MACF1: variants seen among roughly 807,000 people sequenced by gnomAD.
MACF1 encodes microtubule actin crosslinking factor 1.
In MACF1, 193 loss-of-function variants were observed where a neutral mutation model predicts 854.8. The observed-to-expected ratio is 0.23, with a 90% CI of 0.20 to 0.25. The LOEUF (loss-of-function observed/expected upper bound fraction) is 0.25, where lower values mean the gene tolerates loss of function less well. Ranked by LOEUF, MACF1 falls within the 10% of genes least tolerant of loss-of-function variation. MACF1 has a pLI of 1.00. For synonymous variants in MACF1, 3,185 were observed against 3,226.7 expected (o/e 0.99, Z 0.44); for missense variants, 7,722 against 8,929.1 (o/e 0.86, Z 5.45).
At chr1:39,310,778 C>T (rs1181033818) in intron 25 of MACF1, 53 bp from the exon 26 acceptor site, 1 of 1,502,974 alleles carries the variant, frequency 6.7e-7, no homozygotes, top group African/African-American at 1.4e-5. Context: ...GATATCAGGT[C>T]TGCTTATCTC....
chr1:39,469,684 T>C, intron 97 of MACF1, 69 bp downstream of exon 97: 1 of 1,210,664 alleles, frequency 8.3e-7, no homozygotes, highest in East Asian at 2.5e-5. Flanking sequence ...CTTCTTAAAC[T>C]GTAACATCTC....
At chr1:39,262,372 G>A (rs537221220) in intron 6 of MACF1, among the ~76,000 whole-genome samples, 27 of 118,464 alleles carry the variant, frequency 2.3e-4, no homozygotes, top group Non-Finnish European at 3.5e-4. Flanking sequence ...CTGCACTCCA[G>A]CCTGGGCTAC....
chr1:39,119,923 C>T (rs994433321), intron 2 of MACF1, among the ~76,000 whole-genome samples: 5 of 129,688 alleles, frequency 3.9e-5, no homozygotes, highest in South Asian at 2.5e-4. Flanking sequence ...TCTTGTTGCC[C>T]AGGCTAAAGA....
At chr1:39,384,809 G>C (rs991062025) in intron 56 of MACF1, among the ~76,000 whole-genome samples, 2 of 152,302 alleles carry the variant, frequency 1.3e-5, no homozygotes, top group South Asian at 2.1e-4. Flanking sequence ...CTTGGGTATT[G>C]CATGGCAAAG....
chr1:39,217,882 C>CAAA (rs751580827), intron 1 of MACF1, among the ~76,000 whole-genome samples: 20 of 100,098 alleles, frequency 2.0e-4, no homozygotes, highest in African/African-American at 5.4e-4. Context: ...GACCCTGTCT[C>CAAA]AAAAAAAAAA....
intron 2 of MACF1, among the ~76,000 whole-genome samples, chr1:39,241,230 T>C (rs1644919321): frequency 6.6e-6 from 1 of 152,212 alleles, no homozygotes; most frequent in South Asian, 2.1e-4. Flanking sequence ...TAAATAACAT[T>C]ACTTTTCTCT....
intron 2 of MACF1, among the ~76,000 whole-genome samples, chr1:39,094,029 C>G (rs912724826): frequency 6.6e-6 from 1 of 150,646 alleles, no homozygotes; most frequent in Non-Finnish European, 1.5e-5. Context: ...TCCACCGCCT[C>G]GGCCTCCCAA....
At chr1:39,135,017 CATATAAGTGGA>C (rs1406923792) in intron 2 of MACF1, among the ~76,000 whole-genome samples, 1 of 152,182 alleles carries the variant, frequency 6.6e-6, no homozygotes, top group Non-Finnish European at 1.5e-5. Flanking sequence ...CTATGTACTT[CATATAAGTGGA>C]ATCATACAGT....
In MACF1 at chr1:39,274,103, T is replaced by G. The variant is rs977492502; in HGVS notation, c.529-8105T>G. Among the ~76,000 whole-genome samples, 4 of 152,054 alleles carry G rather than the reference T, an allele frequency of 2.6e-5. No individual in the cohort carries two copies. The East Asian group carries it at 7.7e-4, about 29-fold the overall frequency. Reference sequence around the variant, plus strand: ...TAGATGAAACAAGATTAGCTATGAGTTGATAATGGTTGAAACTGGGTAATA... The same window carrying G: ...TAGATGAAACAAGATTAGCTATGAGGTGATAATGGTTGAAACTGGGTAATA... On this transcript the variant is annotated intron_variant, in intron 6 of 100. Transcript: ENST00000564288.
At chr1:39,295,298 G>C (rs1645876717) in intron 19 of MACF1, 148 bp downstream of exon 19, 1 of 660,882 alleles carries the variant, frequency 1.5e-6, no homozygotes, top group East Asian at 2.7e-5. Flanking sequence ...ATTCCTGACT[G>C]TTCCTATGTC....
At chr1:39,382,288 A>C in intron 56 of MACF1, 136 bp downstream of exon 56, 1 of 795,646 alleles carries the variant, frequency 1.3e-6, no homozygotes, top group Non-Finnish European at 2.0e-6. Flanking sequence ...GGTATTTATA[A>C]GGTGTTAATC....
chr1:39,135,622 A>G (rs764748765), intron 2 of MACF1, among the ~76,000 whole-genome samples: 7 of 152,118 alleles, frequency 4.6e-5, no homozygotes, highest in Non-Finnish European at 7.4e-5. Context: ...AAGTAGAACA[A>G]TATCCTTGTT....
chr1:39,274,472 C>G (rs1477809970), intron 6 of MACF1, among the ~76,000 whole-genome samples: 1 of 152,096 alleles, frequency 6.6e-6, no homozygotes, highest in African/African-American at 2.4e-5. Flanking sequence ...AAGATAACAA[C>G]TATTTACTAA....
chr1:39,431,181 G>A (rs947950970), intron 66 of MACF1, among the ~76,000 whole-genome samples: 4 of 152,192 alleles, frequency 2.6e-5, no homozygotes, highest in Non-Finnish European at 5.9e-5. Flanking sequence ...TGCTAAGAAG[G>A]CTGATGGTGA....
At chr1:39,232,438 C>T (rs965841409) in intron 2 of MACF1, among the ~76,000 whole-genome samples, 1 of 152,100 alleles carries the variant, frequency 6.6e-6, no homozygotes, top group African/African-American at 2.4e-5. Flanking sequence ...TTGCTTTTTC[C>T]TGAATTACCT....
At position 39,447,837 on chromosome 1, in the gene MACF1, T is replaced by C. The variant is rs1276370007; in HGVS notation, c.19907T>C (p.Val6636Ala). 2.5e-6 allele frequency: 4 copies of C among 1,613,844 alleles called. No individual in the cohort carries two copies. The highest frequency in any genetic ancestry group is 2.5e-6 in the Non-Finnish European group (3 of 1,180,010). The change falls in exon 82 of 101, where the codon GTT becomes GCT. Residue 6636 changes from valine (V) to alanine (A), a missense_variant. By Grantham distance (64) the Val-to-Ala change is moderately conservative. This residue lies in a region of MACF1 where 729 missense variants were observed against 900.5 expected (regional missense o/e 0.81). Transcript: ENST00000564288. Reference protein sequence around the residue: ...LVSVQSRWEKVVQRSIERGRS... With the variant: ...LVSVQSRWEKAVQRSIERGRS... ...AGCGTGCAGTCTCGATGGGAGAAGG[T>C]TGTCCAGCGATCTATTGAAAGAGGG... is the stretch of plus-strand genomic sequence containing the variant.
chr1:39,163,503 G>A (rs114518945), intron 2 of MACF1, among the ~76,000 whole-genome samples: 2,486 of 152,192 alleles, frequency 0.016, 75 homozygotes, highest in African/African-American at 0.057. Flanking sequence ...TGGAAAGATG[G>A]TACTACTAGT....
At chr1:39,202,886 G>A (rs945371972), upstream of MACF1, among the ~76,000 whole-genome samples, 2 of 152,142 alleles carry the variant, frequency 1.3e-5, no homozygotes, top group Non-Finnish European at 2.9e-5. Context: ...ATGAAATGTA[G>A]GTTAGCACAA....
Position 39,433,038 on chromosome 1 carries a change from C to A in MACF1, c.17458-10C>A, listed in dbSNP as rs771240156. Reference sequence around the variant, plus strand: ...CTTTTTACTTCTTAACTACAGTTTACTTTTCAAAGGCTTTCTCCATTGACA... The same window carrying A: ...CTTTTTACTTCTTAACTACAGTTTAATTTTCAAAGGCTTTCTCCATTGACA... On this transcript the variant is annotated splice_polypyrimidine_tract_variant and intron_variant, in intron 67 of 100. Coordinates refer to ENST00000564288, the MANE Select transcript of MACF1 (RefSeq NM_001394062.1). 1.3e-6 allele frequency: 2 copies of A among 1,565,400 alleles called. No individual in the cohort carries two copies. The highest frequency in any genetic ancestry group is 1.8e-6 in the Non-Finnish European group (2 of 1,140,788).
Sources: gnomAD v4.1 joint callset for allele counts (sites outside exome capture counted in the v4.1 genomes callset) on GRCh38, gnomAD v4.1.1 for gene constraint, gnomAD v4.1.1 regional missense constraint, MANE v1.5 for transcripts, NCBI Gene and HGNC (gene_info 2026-07-23, HGNC 2026-07-21) for gene names.